PPFIBP2: variants seen among roughly 807,000 people sequenced by gnomAD.
PPFIBP2 encodes the protein liprin-beta-2.
Under a neutral mutation model 118.3 loss-of-function variants are expected in PPFIBP2, and 118 were observed. That is an observed-to-expected ratio of 1.00 (90% CI 0.86 to 1.16). PPFIBP2 has a LOEUF of 1.16. Ranked by LOEUF, PPFIBP2 falls within the 50% of genes most tolerant of loss-of-function variation. PPFIBP2 has a pLI of 0.00. For missense variants in PPFIBP2, 1,195 were observed against 1,073.1 expected, an observed-to-expected ratio of 1.11 and a Z score of -1.59; for synonymous variants, 414 against 397.4, an observed-to-expected ratio of 1.04 and a Z score of -0.50.
intron 3 of PPFIBP2, chr11:7,573,776 G>A (rs956479535): frequency 5.9e-5 from 9 of 152,288 alleles, no homozygotes; most frequent in Admixed American, 5.2e-4. Flanking sequence ...TGACTTATGA[G>A]GATTTATGAG....
intron 2 of PPFIBP2, among the ~76,000 whole-genome samples, chr11:7,564,367 A>G (rs1256205222): frequency 2.6e-5 from 4 of 152,198 alleles, no homozygotes; most frequent in Non-Finnish European, 5.9e-5. Flanking sequence ...AGTTAAATGT[A>G]ATATGGACTC....
chr11:7,641,511 G>A lies in PPFIBP2; in HGVS notation c.1408G>A (p.Val470Met), dbSNP rs747438954. The part of the protein sequence containing the change: ...DTESGWDDTA[V>M]VNDLSSTSSG... The stretch of plus-strand genomic sequence containing the variant: ...AGAAAGTGGCTGGGACGACACTGCT[G>A]TGGTCAATGACCTCTCATCCACATC... Residue 470 changes from valine to methionine, a missense_variant, in exon 16 of 24, where the codon GTG becomes ATG. Physicochemically the swap from Val to Met is conservative, Grantham distance 21. Coordinates refer to ENST00000299492, the MANE Select transcript of PPFIBP2 (RefSeq NM_003621.5). 9 of 1,613,748 alleles carry A rather than the reference G, an allele frequency of 5.6e-6. No individual in the cohort carries two copies. In the Admixed American group the frequency reaches 1.3e-4, roughly 24 times the overall value.
At chr11:7,634,985 C>T (rs1229936112) in intron 13 of PPFIBP2, among the ~76,000 whole-genome samples, 1 of 151,842 alleles carries the variant, frequency 6.6e-6, no homozygotes, top group Non-Finnish European at 1.5e-5. Flanking sequence ...GGAGATGATC[C>T]CAAGGAAAGA....
downstream of PPFIBP2, among the ~76,000 whole-genome samples, chr11:7,654,695 G>C (rs930956014): frequency 2.6e-5 from 4 of 152,222 alleles, no homozygotes; most frequent in Non-Finnish European, 5.9e-5. Context: ...TGGAGTTGTA[G>C]AGCCAGTCAG....
At chr11:7,640,604 G>A (rs547084409) in intron 15 of PPFIBP2, among the ~76,000 whole-genome samples, 6 of 152,308 alleles carry the variant, frequency 3.9e-5, no homozygotes, top group Admixed American at 6.5e-5. Flanking sequence ...CAGCTCTGCC[G>A]TTGGCTGCAG....
At chr11:7,660,889 T>C (rs560033824), downstream of PPFIBP2, among the ~76,000 whole-genome samples, 58 of 152,042 alleles carry the variant, frequency 3.8e-4, no homozygotes, top group South Asian at 0.012. Flanking sequence ...AGTGTATGTG[T>C]CGAGGAATTT....
intron 15 of PPFIBP2, chr11:7,641,100 G>C (rs2135893498): frequency 8.0e-7 from 1 of 1,248,010 alleles, no homozygotes; most frequent in Non-Finnish European, 1.1e-6. Flanking sequence ...TGGAGAGTGA[G>C]AATGCCTTTG....
At chr11:7,600,513 A>G (rs1419557159) in intron 5 of PPFIBP2, among the ~76,000 whole-genome samples, 1 of 152,238 alleles carries the variant, frequency 6.6e-6, no homozygotes, top group Non-Finnish European at 1.5e-5. Flanking sequence ...TTCTGGTGGT[A>G]GGAGCAAGAA....
chr11:7,593,118 TC>T lies in PPFIBP2; in HGVS notation c.280-13del. 6.2e-7 allele frequency: 1 copy of T among 1,607,000 alleles called. No homozygotes were observed. The highest frequency in any genetic ancestry group is 1.7e-5 in the Admixed American group (1 of 57,922). On this transcript the variant is annotated splice_polypyrimidine_tract_variant and intron_variant, in intron 3 of 23. Coordinates refer to ENST00000299492, the MANE Select transcript of PPFIBP2 (RefSeq NM_003621.5). ...AACCTTTTAAGTGTATTCTTTTTTT[TC>T]TGTCCTCTTTAGTCCCAGGTAAACC...
downstream of PPFIBP2, among the ~76,000 whole-genome samples, chr11:7,660,632 G>C (rs1854870662): frequency 6.6e-6 from 1 of 150,958 alleles, no homozygotes; most frequent in Admixed American, 6.6e-5. Context: ...TCTCTGCCAG[G>C]TTTTGGTATC....
intron 5 of PPFIBP2, among the ~76,000 whole-genome samples, chr11:7,603,112 C>G (rs1455195340): frequency 6.6e-6 from 1 of 152,180 alleles, no homozygotes; most frequent in Non-Finnish European, 1.5e-5. Flanking sequence ...GAATATTAAA[C>G]AGAGCTGTGT....
In PPFIBP2 at chr11:7,522,893, T is replaced by C. The variant is rs184519965; in HGVS notation, c.-37+8772T>C. 2.3e-3 allele frequency among the ~76,000 whole-genome samples: 355 copies of C among 152,306 alleles called. 1 individual carries two copies. Among genetic ancestry groups the C allele is most frequent in the Non-Finnish European group, 2.0e-3 (135 of 68,032 alleles). ...CTGGGAATGTAACCACCAATCAATTTATCAATTCCATGGGAAGTTGTATTC... is the reference window on the plus strand; with the variant it reads ...CTGGGAATGTAACCACCAATCAATTCATCAATTCCATGGGAAGTTGTATTC... On this transcript the variant is annotated intron_variant, in intron 1 of 23. Transcript: ENST00000299492.
At chr11:7,649,368 G>A in intron 20 of PPFIBP2, 133 bp downstream of exon 20, 1 of 1,239,666 alleles carries the variant, frequency 8.1e-7, no homozygotes, top group Non-Finnish European at 1.2e-6. Context: ...CACAAAAGAG[G>A]TCCCAAGTAG....
downstream of PPFIBP2, chr11:7,656,609 T>C (rs79804115): frequency 3.8e-4 from 213 of 561,802 alleles, no homozygotes; most frequent in East Asian, 9.0e-4. Context: ...TATAAACTTA[T>C]AGTGCACCTG....
chr11:7,617,143 A>C lies in PPFIBP2; in HGVS notation c.619-3792A>C, dbSNP rs562479061. 3 of 985,272 alleles carry C rather than the reference A, an allele frequency of 3.0e-6. No individual in the cohort carries two copies. The East Asian group carries it at 3.4e-4, about 112-fold the overall frequency. The allele number at this position is 985,272 out of a possible 1,614,324, so 61.0% of individuals were successfully genotyped here. On this transcript the variant is annotated intron_variant, in intron 6 of 23. Coordinates refer to ENST00000299492, the MANE Select transcript of PPFIBP2 (RefSeq NM_003621.5). ...CTGAATGTGATCAGTGAGCTGCAGG[A>C]GCAGATGTGTAGGCTGCAGCTGGAC...
At position 7,631,044 on chromosome 11, in the gene PPFIBP2, C is replaced by A; in HGVS notation, c.1068+16C>A. 1 of 1,597,660 alleles carries A rather than the reference C, an allele frequency of 6.3e-7. No homozygotes were observed. Among genetic ancestry groups the A allele is most frequent in the Non-Finnish European group, 8.6e-7 (1 of 1,165,044 alleles). On this transcript the variant is annotated intron_variant, in intron 11 of 23. Coordinates refer to ENST00000299492, the MANE Select transcript of PPFIBP2 (RefSeq NM_003621.5). The stretch of plus-strand genomic sequence containing the variant: ...TAAACAAGAGGTACTGTGTTTCCAT[C>A]CATGACGTAGGGTTTCAGCAGGTCC...
At chr11:7,556,301 A>G (rs796810464) in intron 2 of PPFIBP2, among the ~76,000 whole-genome samples, 5 of 152,232 alleles carry the variant, frequency 3.3e-5, no homozygotes, top group African/African-American at 1.2e-4. Context: ...TAAAAGTACA[A>G]AAAATTAGCC....
intron 3 of PPFIBP2, 70 bp from the exon 4 acceptor site, chr11:7,593,062 T>G: frequency 1.3e-6 from 2 of 1,583,974 alleles, no homozygotes; most frequent in Non-Finnish European, 1.7e-6. Flanking sequence ...GCATCCCTTA[T>G]TTCATTTAGA....
At chr11:7,586,774 A>G (rs768599766) in intron 3 of PPFIBP2, among the ~76,000 whole-genome samples, 4 of 152,202 alleles carry the variant, frequency 2.6e-5, no homozygotes, top group Admixed American at 1.3e-4. Context: ...GAAAGTCCCC[A>G]GGGATCCCCT....
Sources: gnomAD v4.1 joint callset for allele counts (sites outside exome capture counted in the v4.1 genomes callset) on GRCh38, gnomAD v4.1.1 for gene constraint, MANE v1.5 for transcripts, NCBI Gene and HGNC (gene_info 2026-07-23, HGNC 2026-07-21) for gene names.